PRPF8: variants seen among roughly 807,000 people sequenced by gnomAD.
The protein encoded by PRPF8 is pre-mRNA processing factor 8, also known as pre-mRNA-processing-splicing factor 8.
In PRPF8, 64 loss-of-function variants were observed where a neutral mutation model predicts 285.9. That is an observed-to-expected ratio of 0.22 (90% CI 0.18 to 0.28). PRPF8 has a LOEUF of 0.28. Ranked by LOEUF, PRPF8 falls within the 10% of genes least tolerant of loss-of-function variation. PRPF8 has a pLI of 1.00. For synonymous variants in PRPF8, 1,325 were observed against 1,118.2 expected (o/e 1.18, Z -3.69); for missense variants, 1,426 against 3,026.7 (o/e 0.47, Z 12.41).
At chr17:1,662,639 C>T (rs892530767) in intron 24 of PRPF8, among the ~76,000 whole-genome samples, 4 of 145,474 alleles carry the variant, frequency 2.7e-5, no homozygotes, top group African/African-American at 1.0e-4. Context: ...TGGTGGCTCA[C>T]GCCTGTCATG....
intron 37 of PRPF8, 120 bp from the exon 38 acceptor site, chr17:1,654,136 C>T: frequency 6.9e-7 from 1 of 1,441,422 alleles, no homozygotes; most frequent in Non-Finnish European, 9.7e-7. Flanking sequence ...AGACAATCCA[C>T]AAGAGCTGCT....
chr17:1,670,945 A>AAAG (rs10641240), intron 24 of PRPF8, among the ~76,000 whole-genome samples: 40,815 of 151,084 alleles, frequency 0.27, 7,914 homozygotes, highest in African/African-American at 0.56. Context: ...CAAAAAAAAA[A>AAAG]AAGAAGAAAA....
rs1225787363 is a variant in PRPF8, at chr17:1,660,576, T to C, written c.4641A>G (p.Val1547=). 2 of 1,614,152 alleles carry C rather than the reference T, an allele frequency of 1.2e-6. No homozygotes were observed. The highest frequency in any genetic ancestry group is 1.7e-6 in the Non-Finnish European group (2 of 1,180,032). Residue 1547 remains valine (V), a splice_region_variant and synonymous_variant, in exon 30 of 43, where the codon GTA becomes GTG. Coordinates refer to ENST00000304992, the MANE Select transcript of PRPF8 (RefSeq NM_006445.4). ...WWSPTINRAN[V]YVGFQVQLDL... ...CTAGCTGCACCTGAAAGCCTACATATACCTGCCAGGAAAACGACAATGTGA... is the reference window on the plus strand; with the variant it reads ...CTAGCTGCACCTGAAAGCCTACATACACCTGCCAGGAAAACGACAATGTGA...
At chr17:1,671,528 C>G (rs1912315404) in intron 24 of PRPF8, among the ~76,000 whole-genome samples, 1 of 152,118 alleles carries the variant, frequency 6.6e-6, no homozygotes, top group Non-Finnish European at 1.5e-5. Context: ...CCAGCCTGGA[C>G]AAGAGAGTGA....
At chr17:1,681,386 G>T in intron 6 of PRPF8, 92 bp downstream of exon 6, 1 of 1,374,114 alleles carries the variant, frequency 7.3e-7, no homozygotes, top group Non-Finnish European at 1.0e-6. Flanking sequence ...GGTGTAAACA[G>T]ACTAATTTGG....
chr17:1,681,746 C>A, intron 5 of PRPF8, 56 bp from the exon 6 acceptor site: 1 of 1,609,512 alleles, frequency 6.2e-7, no homozygotes, highest in Non-Finnish European at 8.5e-7. Flanking sequence ...ACCCATACCA[C>A]CTACTGATCT....
Position 1,683,636 on chromosome 17 carries a change from C to A in PRPF8, c.166G>T (p.Ala56Ser), listed in dbSNP as rs758508260. The change falls in exon 3 of 43, where the codon GCC becomes TCC. Residue 56 changes from alanine to serine, a missense_variant. By Grantham distance (99) the Ala-to-Ser change is moderately conservative (BLOSUM62 1). Transcript: ENST00000304992. ...TCTGGGGGCATGTCTTCCTTCTGGG[C>A]ATCCACAAACCCAAACTTCCGCTTT... is the stretch of plus-strand genomic sequence containing the variant. ...AEKRKFGFVD[A>S]QKEDMPPEHV... is the part of the protein sequence containing the mutation. 5.6e-6 allele frequency: 9 copies of A among 1,614,144 alleles called. No individual in the cohort carries two copies. The Admixed American group carries it at 1.5e-4, about 27-fold the overall frequency.
rs1428933827 is a variant in PRPF8 at position 1,659,144 on chromosome 17, A to G, written c.5138+213T>C. On this transcript the variant is annotated intron_variant, in intron 32 of 42. Coordinates refer to ENST00000304992, the MANE Select transcript of PRPF8 (RefSeq NM_006445.4). The surrounding 1 kb of genome is among the most constrained non-coding windows in gnomAD (Gnocchi z 5.1). ...GGGTTCAAGTAATTCTCCCACCTCA[A>G]CCTTCTGAGTAGCTGGGACTACAGG... The G allele has an allele frequency of 3.0e-6, 2 of 670,308 alleles. No individual in the cohort carries two copies. Among genetic ancestry groups the G allele is most frequent in the Admixed American group, 2.4e-5 (1 of 41,864 alleles). The allele number at this position is 670,308 out of a possible 1,614,324, so 41.5% of individuals were successfully genotyped here.
chr17:1,675,308 C>A lies in PRPF8; in HGVS notation c.2904G>T (p.Thr968=), dbSNP rs775166089. ...GCATGACATTGCACTCGCCTTCACT[C>A]GTCTCCCACACGTCCTGCAGGTTAT... The part of the protein sequence containing the change: ...GINNLQDVWE[T]SEGECNVMLE... Residue 968 remains threonine (T), a synonymous_variant, in exon 20 of 43, where the codon ACG becomes ACT. Transcript: ENST00000304992. This position sits in a 1 kb window ranked among gnomAD's most constrained non-coding sequence, Gnocchi z 6.0. The A allele has an allele frequency of 1.2e-6, 2 of 1,614,084 alleles. No individual in the cohort carries two copies. Among genetic ancestry groups the A allele is most frequent in the African/African-American group, 2.7e-5 (2 of 74,940 alleles).
In PRPF8 at chr17:1,663,329, T is replaced by C. The variant is rs1035911608; in HGVS notation, c.3775-1176A>G. Reference sequence around the variant, plus strand: ...AAAAAAAAAGAGTAAGACGGTAGATTTAAACTGAGCTACATTGCCACATTG... The same window carrying C: ...AAAAAAAAAGAGTAAGACGGTAGATCTAAACTGAGCTACATTGCCACATTG... On this transcript the variant is annotated intron_variant, in intron 24 of 42. Transcript: ENST00000304992. Among the ~76,000 whole-genome samples, 3 of 152,038 alleles carry C rather than the reference T, an allele frequency of 2.0e-5. No individual in the cohort carries two copies. The East Asian group carries it at 5.8e-4, about 29-fold the overall frequency.
chr17:1,678,201 G>A (rs915370529), intron 13 of PRPF8, among the ~76,000 whole-genome samples: 3 of 152,180 alleles, frequency 2.0e-5, no homozygotes, highest in African/African-American at 7.2e-5. Flanking sequence ...TGTAGTCCCA[G>A]CTACTTGGGA....
At chr17:1,663,710 C>CAAAAAAAAAAA (rs58454297) in intron 24 of PRPF8, among the ~76,000 whole-genome samples, 2 of 17,110 alleles carry the variant, frequency 1.2e-4, no homozygotes, top group African/African-American at 1.7e-4. Flanking sequence ...GACTCCATCT[C>CAAAAAAAAAAA]AAAAAAAAAA....
At chr17:1,680,198 A>G (rs1912828749) in intron 8 of PRPF8, among the ~76,000 whole-genome samples, 1 of 152,230 alleles carries the variant, frequency 6.6e-6, no homozygotes, top group Non-Finnish European at 1.5e-5. Context: ...GTACGATTCT[A>G]TTTCATTCTA....
intron 28 of PRPF8, 29 bp from the exon 29 acceptor site, chr17:1,660,856 A>T: frequency 6.2e-7 from 1 of 1,613,304 alleles, no homozygotes; most frequent in South Asian, 1.1e-5. Context: ...AGGTGAGGTG[A>T]TATCCTGCCA....
rs752997229 is a variant in PRPF8 at position 1,650,882 on chromosome 17, T to G, written c.6928A>C (p.Arg2310=). 1.9e-6 allele frequency: 3 copies of G among 1,614,090 alleles called. No individual in the cohort carries two copies. The African/African-American group carries it at 4.0e-5, about 22-fold the overall frequency. The change falls in exon 43 of 43, where the codon AGG becomes CGG. Residue 2310 remains arginine, a synonymous_variant. Coordinates refer to ENST00000304992, the MANE Select transcript of PRPF8 (RefSeq NM_006445.4). ...GCAAAGTTGAGGAAGTGAGAGGGCC[T>G]GTGCACCTCGTGGTAGAACTCTTTG... ...NPKEFYHEVH[R]PSHFLNFALL...
At position 1,679,820 on chromosome 17, in the gene PRPF8, AG is replaced by A. The variant is rs747765166; in HGVS notation, c.1099-22del. On this transcript the variant is annotated intron_variant, in intron 8 of 42. Transcript: ENST00000304992. This position sits in a 1 kb window ranked among gnomAD's most constrained non-coding sequence, Gnocchi z 4.7. Reference sequence around the variant, plus strand: ...TGGCTCTGAAAAAGGAATCCCTCTAAGGGTTTAGCTCCTGCTGAACTAGGCA... The same window carrying A: ...TGGCTCTGAAAAAGGAATCCCTCTAAGGTTTAGCTCCTGCTGAACTAGGCA... The A allele has an allele frequency of 1.2e-6, 2 of 1,613,956 alleles. No individual in the cohort carries two copies. Among genetic ancestry groups the A allele is most frequent in the South Asian group, 2.2e-5 (2 of 91,080 alleles).
intron 13 of PRPF8, among the ~76,000 whole-genome samples, chr17:1,678,107 G>C (rs745655937): frequency 6.6e-6 from 1 of 152,140 alleles, no homozygotes; most frequent in South Asian, 2.1e-4. Flanking sequence ...CTGAGGTCAG[G>C]AGTTCAAGAC....
intron 36 of PRPF8, 39 bp from the exon 37 acceptor site, chr17:1,655,582 T>C (rs771695492): frequency 6.5e-7 from 1 of 1,529,926 alleles, no homozygotes; most frequent in South Asian, 1.1e-5. Flanking sequence ...GGTCAGCTGC[T>C]TGAGGCTCTC....
At chr17:1,665,028 C>T (rs556576053) in intron 24 of PRPF8, among the ~76,000 whole-genome samples, 3 of 151,716 alleles carry the variant, frequency 2.0e-5, no homozygotes, top group South Asian at 4.2e-4. Context: ...GGTGTGGTGG[C>T]GGGCACCTGT....
Sources: allele counts gnomAD v4.1 joint callset (sites outside exome capture counted in the v4.1 genomes callset), GRCh38; gene constraint gnomAD v4.1.1; non-coding constraint Gnocchi (gnomAD v3.1); transcripts MANE v1.5; gene names NCBI Gene and HGNC (gene_info 2026-07-23, HGNC 2026-07-21).